The following RSU1 variants were observed in gnomAD, a reference collection of about 807,000 sequenced individuals.
The protein encoded by RSU1 is Ras suppressor protein 1.
A neutral mutation model predicts 31.1 loss-of-function variants in RSU1; 26 were observed. The ratio of observed to expected loss-of-function variants is 0.84; its 90% CI spans 0.61 to 1.16. The LOEUF is 1.16. Ranked by LOEUF, RSU1 falls within the 50% of genes most tolerant of loss-of-function variation. The pLI is 0.00. For missense variants in RSU1, 320 were observed against 339.1 expected (o/e 0.94, Z 0.44); for synonymous variants, 164 against 136.3 (o/e 1.20, Z -1.41).
At chr10:16,619,496 T>G (rs1431980038) in intron 8 of RSU1, among the ~76,000 whole-genome samples, 1 of 152,202 alleles carries the variant, frequency 6.6e-6, no homozygotes, top group African/African-American at 2.4e-5. Context: ...CAGTGTAGCA[T>G]TAAAACAGAA....
chr10:16,742,339 C>T (rs922293958), intron 7 of RSU1, among the ~76,000 whole-genome samples: 1 of 152,086 alleles, frequency 6.6e-6, no homozygotes, highest in African/African-American at 2.4e-5. Context: ...ACGGTAAGGC[C>T]TAGATTTCAG....
chr10:16,792,778 G>A (rs577775236), intron 2 of RSU1, among the ~76,000 whole-genome samples: 5 of 152,290 alleles, frequency 3.3e-5, no homozygotes, highest in African/African-American at 7.2e-5. Context: ...CATACAGCAC[G>A]GTGTAAATGG....
rs1398031927 is a variant in RSU1, at chr10:16,591,512, T to G, written c.*1882A>C. The G allele has an allele frequency of 2.0e-5, 3 of 152,218 alleles. No individual in the cohort carries two copies. The highest frequency in any genetic ancestry group is 7.2e-5 in the African/African-American group (3 of 41,464). The allele number at this position is 152,218 out of a possible 1,614,324, so 9.4% of individuals were successfully genotyped here. ...TCCCAGTAGCCATGTGAAAGAATGTTTATTTCATGTTACTCCTCTTGCACT... is the reference window on the plus strand; with the variant it reads ...TCCCAGTAGCCATGTGAAAGAATGTGTATTTCATGTTACTCCTCTTGCACT... On this transcript the variant is annotated 3_prime_UTR_variant, in exon 9 of 9. Transcript: ENST00000345264.
intron 7 of RSU1, among the ~76,000 whole-genome samples, chr10:16,722,232 G>A (rs764204246): frequency 3.9e-4 from 59 of 152,288 alleles, no homozygotes; most frequent in Admixed American, 7.2e-4. Flanking sequence ...GAAAAACAGA[G>A]TACTGTTTTT....
intron 8 of RSU1, among the ~76,000 whole-genome samples, chr10:16,654,828 G>A (rs552603556): frequency 3.9e-4 from 59 of 152,148 alleles, no homozygotes; most frequent in Non-Finnish European, 7.8e-4. Flanking sequence ...GGAAGCCAAG[G>A]TGGGAGGATC....
chr10:16,800,962 C>CAAAA lies in RSU1; in HGVS notation c.109+16007_109+16010dup, dbSNP rs772645083. Among the ~76,000 whole-genome samples, 687 of 140,906 alleles carry CAAAA rather than the reference C, an allele frequency of 4.9e-3. 11 individuals carry two copies. In the East Asian group the frequency reaches 0.062, roughly 13 times the overall value. The allele number at this position is 140,906 out of a possible 152,430, so 92.4% of individuals were successfully genotyped here. A position where few individuals can be genotyped will look rare whatever the true frequency, so the allele number is the denominator to read the frequency against. Reference sequence around the variant, plus strand: ...CGGAAAGCAGAAAAAGAGCAGAAGACAAAAAAAAAAAGAACAAGGGCAAGA... The same window carrying CAAAA: ...CGGAAAGCAGAAAAAGAGCAGAAGACAAAAAAAAAAAAAAAGAACAAGGGCAAGA... On this transcript the variant is annotated intron_variant, in intron 2 of 8. Transcript: ENST00000345264.
At chr10:16,716,792 A>T (rs1836151171) in intron 7 of RSU1, among the ~76,000 whole-genome samples, 1 of 152,206 alleles carries the variant, frequency 6.6e-6, no homozygotes, top group Admixed American at 6.5e-5. Flanking sequence ...TTAATTTCTA[A>T]AATATGTAAT....
intron 3 of RSU1, among the ~76,000 whole-genome samples, chr10:16,778,638 G>T (rs1837589010): frequency 1.3e-5 from 2 of 152,188 alleles, no homozygotes; most frequent in Non-Finnish European, 2.9e-5. Context: ...GCTTCAGATG[G>T]GCCAGACCAG....
intron 3 of RSU1, chr10:16,767,528 C>T (rs913897424): frequency 7.9e-5 from 12 of 151,972 alleles, no homozygotes; most frequent in Non-Finnish European, 1.2e-4. Flanking sequence ...GTGAATTTTT[C>T]GTTTAAGACT....
intron 3 of RSU1, among the ~76,000 whole-genome samples, chr10:16,780,927 G>A (rs1293665633): frequency 3.3e-5 from 5 of 152,128 alleles, no homozygotes; most frequent in Non-Finnish European, 7.3e-5. Flanking sequence ...ACAAATATAC[G>A]CTTTGGCTAA....
chr10:16,670,929 T>C (rs758121296), intron 8 of RSU1, among the ~76,000 whole-genome samples: 5 of 152,062 alleles, frequency 3.3e-5, no homozygotes, highest in African/African-American at 4.8e-5. Context: ...CACGCCCGGC[T>C]AATTTTTTGT....
intron 8 of RSU1, among the ~76,000 whole-genome samples, chr10:16,650,576 CTTTT>C (rs139231306): frequency 5.3e-5 from 6 of 112,532 alleles, no homozygotes; most frequent in Admixed American, 9.7e-5. Flanking sequence ...TCCTGAAAAG[CTTTT>C]TTTTTTTTTT....
At chr10:16,623,617 T>C (rs993951847) in intron 8 of RSU1, among the ~76,000 whole-genome samples, 2 of 152,208 alleles carry the variant, frequency 1.3e-5, no homozygotes, top group African/African-American at 4.8e-5. Flanking sequence ...TTCACAGTGA[T>C]TGAACTAACT....
chr10:16,724,642 A>G (rs1836347330), intron 7 of RSU1, among the ~76,000 whole-genome samples: 1 of 152,216 alleles, frequency 6.6e-6, no homozygotes, highest in East Asian at 1.9e-4. Flanking sequence ...ACGAACAGTG[A>G]CTTTACTGTC....
chr10:16,637,264 T>A (rs1834358774), intron 8 of RSU1, among the ~76,000 whole-genome samples: 1 of 152,124 alleles, frequency 6.6e-6, no homozygotes, highest in African/African-American at 2.4e-5. Context: ...CAGTAAACAT[T>A]CATGAACATG....
intron 4 of RSU1, among the ~76,000 whole-genome samples, chr10:16,760,464 A>G (rs557600811): frequency 4.5e-4 from 68 of 151,192 alleles, no homozygotes; most frequent in African/African-American, 1.6e-3. Flanking sequence ...AGCCGAGATC[A>G]TGCCATTGCA....
intron 7 of RSU1, among the ~76,000 whole-genome samples, chr10:16,709,247 T>C (rs1235612072): frequency 3.9e-5 from 6 of 152,026 alleles, no homozygotes; most frequent in African/African-American, 1.5e-4. Flanking sequence ...CATGAGGTGT[T>C]TGGTTTTTTG....
At chr10:16,661,860 T>G (rs1293162350) in intron 8 of RSU1, among the ~76,000 whole-genome samples, 1 of 152,226 alleles carries the variant, frequency 6.6e-6, no homozygotes, top group Non-Finnish European at 1.5e-5. Context: ...TGGTTTCAAA[T>G]TATTATAAGG....
In RSU1 at chr10:16,765,851, A is replaced by G. The variant is rs557082826; in HGVS notation, c.161-1341T>C. On this transcript the variant is annotated intron_variant, in intron 3 of 8. Transcript: ENST00000345264. ...GCTGGGAGACCAACCTGCTTCCTGC[A>G]GTCAGACCTAAACTCAGACCCGGGA... Among the ~76,000 whole-genome samples the G allele has an allele frequency of 4.4e-4, 67 of 152,332 alleles. 1 individual carries two copies. Among genetic ancestry groups the G allele is most frequent in the Admixed American group, 7.2e-4 (11 of 15,302 alleles).
Sources: gnomAD v4.1 joint callset for allele counts (sites outside exome capture counted in the v4.1 genomes callset) on GRCh38, gnomAD v4.1.1 for gene constraint, MANE v1.5 for transcripts, NCBI Gene and HGNC (gene_info 2026-07-23, HGNC 2026-07-21) for gene names.